The following ABCD3 variants were observed in gnomAD, a reference collection of about 807,000 sequenced individuals.
ABCD3 encodes ATP-binding cassette sub-family D member 3.
In ABCD3, 41 loss-of-function variants were observed where a neutral mutation model predicts 105.5. The ratio of observed to expected loss-of-function variants is 0.39; its 90% CI spans 0.30 to 0.50. The LOEUF (loss-of-function observed/expected upper bound fraction) is 0.50. Ranked by LOEUF, ABCD3 falls within the 20% of genes least tolerant of loss-of-function variation. ABCD3 has a pLI of 0.84. For synonymous variants in ABCD3, 258 were observed against 269.0 expected, an observed-to-expected ratio of 0.96 and a Z score of 0.40; for missense variants, 622 against 806.3, an observed-to-expected ratio of 0.77 and a Z score of 2.77.
At chr1:94,432,457 T>C in intron 1 of ABCD3, 1 of 152,248 alleles carries the variant, frequency 6.6e-6, no homozygotes, top group East Asian at 1.9e-4. Flanking sequence ...GAGACGAAGC[T>C]GGAGATATTA....
At chr1:94,402,429 T>C in the ABCD3 span, among the ~76,000 whole-genome samples, 1 of 152,212 alleles carries the variant, frequency 6.6e-6, no homozygotes, top group Non-Finnish European at 1.5e-5. Context: ...ATGTGTGTGC[T>C]CTTTATGTAT....
the ABCD3 span, among the ~76,000 whole-genome samples, chr1:94,408,536 G>A: frequency 6.6e-6 from 1 of 152,020 alleles, no homozygotes; most frequent in African/African-American, 2.4e-5. Flanking sequence ...AGAGGTTGCA[G>A]TGAGCTGAGA....
intron 20 of ABCD3, among the ~76,000 whole-genome samples, chr1:94,503,906 C>CTTTTT (rs71097203): frequency 3.3e-4 from 23 of 69,782 alleles, no homozygotes; most frequent in East Asian, 4.8e-4. Context: ...ACAAGTGATT[C>CTTTTT]TTTTTTTTTT....
At chr1:94,393,367 G>C in the ABCD3 span, among the ~76,000 whole-genome samples, 2 of 151,978 alleles carry the variant, frequency 1.3e-5, no homozygotes, top group East Asian at 3.9e-4. Flanking sequence ...GGTTGGGCAT[G>C]GTAGCTCACC....
chr1:94,425,994 A>G (rs984093918), intron 1 of ABCD3, among the ~76,000 whole-genome samples: 1 of 152,236 alleles, frequency 6.6e-6, no homozygotes, highest in East Asian at 1.9e-4. Context: ...CTCAGCAGTT[A>G]AGTGAGGATT....
At position 94,499,618 on chromosome 1, in the gene ABCD3, A is replaced by C; in HGVS notation, c.1740+4A>C. The C allele has an allele frequency of 6.2e-7, 1 of 1,613,474 alleles. No homozygotes were observed. The highest frequency in any genetic ancestry group is 8.5e-7 in the Non-Finnish European group (1 of 1,179,588). ...TGGAGAAAAGCAAAGAATGGCGGTAAGTATACTGTGAAGAAGTTGCACAAG... is the reference window on the plus strand; with the variant it reads ...TGGAGAAAAGCAAAGAATGGCGGTACGTATACTGTGAAGAAGTTGCACAAG... On this transcript the variant is annotated splice_donor_region_variant and intron_variant, in intron 20 of 22. Coordinates refer to ENST00000370214, the MANE Select transcript of ABCD3 (RefSeq NM_002858.4).
chr1:94,395,891 G>C, the ABCD3 span, among the ~76,000 whole-genome samples: 2 of 151,380 alleles, frequency 1.3e-5, no homozygotes, highest in Non-Finnish European at 2.9e-5. Flanking sequence ...GAAAGAGAGA[G>C]ACACACACAC....
chr1:94,389,938 G>A, the ABCD3 span, among the ~76,000 whole-genome samples: 1 of 152,174 alleles, frequency 6.6e-6, no homozygotes, highest in Non-Finnish European at 1.5e-5. Context: ...TGTCAAGATA[G>A]CCAAGATCTC....
intron 1 of ABCD3, among the ~76,000 whole-genome samples, chr1:94,425,514 C>T (rs977737924): frequency 6.6e-6 from 1 of 152,108 alleles, no homozygotes; most frequent in African/African-American, 2.4e-5. Flanking sequence ...ACATTTTCAT[C>T]TCTGCTGAAT....
chr1:94,489,602 A>G, intron 13 of ABCD3, 123 bp from the exon 14 acceptor site: 1 of 737,432 alleles, frequency 1.4e-6, no homozygotes, highest in Non-Finnish European at 2.4e-6. Context: ...CTTTATGTTG[A>G]TGAGACTGTT....
At chr1:94,406,382 G>A in the ABCD3 span, 26 of 179,144 alleles carry the variant, frequency 1.5e-4, no homozygotes, top group African/African-American at 8.4e-4. Flanking sequence ...TGTTGTTGTT[G>A]TTTTACACTT....
At chr1:94,473,448 T>A (rs1648583056) in intron 4 of ABCD3, among the ~76,000 whole-genome samples, 1 of 152,180 alleles carries the variant, frequency 6.6e-6, no homozygotes, top group South Asian at 2.1e-4. Flanking sequence ...ACTATAAAGT[T>A]GTTAATTGTT....
intron 10 of ABCD3, among the ~76,000 whole-genome samples, chr1:94,484,047 C>T (rs1001687292): frequency 4.8e-4 from 73 of 152,208 alleles, no homozygotes; most frequent in Admixed American, 4.8e-3. Context: ...AAATGCTCAT[C>T]ATCGCTGGCC....
intron 16 of ABCD3, among the ~76,000 whole-genome samples, chr1:94,497,096 G>C (rs1188220820): frequency 2.0e-5 from 3 of 152,024 alleles, no homozygotes; most frequent in Non-Finnish European, 4.4e-5. Flanking sequence ...AATAAAGTCT[G>C]CTCTGACCAC....
chr1:94,461,012 G>T (rs900700777), intron 2 of ABCD3, among the ~76,000 whole-genome samples: 2 of 151,698 alleles, frequency 1.3e-5, no homozygotes, highest in Non-Finnish European at 2.9e-5. Flanking sequence ...ATACTTATTT[G>T]CTGGTTGCAT....
upstream of ABCD3, among the ~76,000 whole-genome samples, chr1:94,416,089 C>G (rs1355591004): frequency 6.6e-6 from 1 of 152,194 alleles, no homozygotes; most frequent in Non-Finnish European, 1.5e-5. Flanking sequence ...TATCTTTCCT[C>G]TGACTGTTTT....
chr1:94,517,201 TA>T lies in ABCD3; in HGVS notation c.*76del. The T allele has an allele frequency of 8.7e-7, 1 of 1,147,810 alleles. No individual in the cohort carries two copies. The highest frequency in any genetic ancestry group is 1.3e-6 in the Non-Finnish European group (1 of 764,890). The allele number at this position is 1,147,810 out of a possible 1,614,324, so 71.1% of individuals were successfully genotyped here. ...ATACTTAGAAAGGCAAAGTACATTGTAAAATAAAGTTGAGCTTAGTTTTTTT... is the reference window on the plus strand; with the variant it reads ...ATACTTAGAAAGGCAAAGTACATTGTAAATAAAGTTGAGCTTAGTTTTTTT... On this transcript the variant is annotated 3_prime_UTR_variant, in exon 23 of 23. Transcript: ENST00000370214.
intron 21 of ABCD3, among the ~76,000 whole-genome samples, chr1:94,511,496 C>A (rs1334748082): frequency 6.6e-6 from 1 of 152,060 alleles, no homozygotes. Flanking sequence ...CGAGGAGTAT[C>A]TTTGTGGTGT....
chr1:94,517,033 T>C lies in ABCD3; in HGVS notation c.1903-19T>C, dbSNP rs201128541. 5.0e-4 allele frequency: 793 copies of C among 1,570,360 alleles called. 5 individuals are homozygous for C. Among genetic ancestry groups the C allele is most frequent in the South Asian group, 2.2e-3 (195 of 90,200 alleles). Reference sequence around the variant, plus strand: ...TTCACTCTTAGTTACTGACTTTTTTTCCCCCTTCTTTCCCATAGTACTACC... The same window carrying C: ...TTCACTCTTAGTTACTGACTTTTTTCCCCCCTTCTTTCCCATAGTACTACC... On this transcript the variant is annotated intron_variant, in intron 22 of 22. Transcript: ENST00000370214.
Sources: allele counts gnomAD v4.1 joint callset (sites outside exome capture counted in the v4.1 genomes callset), GRCh38; gene constraint gnomAD v4.1.1; transcripts MANE v1.5; gene names NCBI Gene and HGNC (gene_info 2026-07-23, HGNC 2026-07-21).